YPEL2: variants seen among roughly 807,000 people sequenced by gnomAD.
The protein encoded by YPEL2 is yippee like 2, also known as protein yippee-like 2.
YPEL2 carries 2 observed loss-of-function variants against 19.1 expected under a neutral mutation model. The ratio of observed to expected loss-of-function variants is 0.10; its 90% CI spans 0.04 to 0.33. The LOEUF (loss-of-function observed/expected upper bound fraction) is 0.33. Among genes scored for constraint, YPEL2 ranks in the 10% least tolerant of loss-of-function variants. YPEL2 has a pLI of 1.00. For missense variants in YPEL2, 66 were observed against 140.7 expected (o/e 0.47, Z 2.68); for synonymous variants, 52 against 50.0 (o/e 1.04, Z -0.17).
chr17:59,387,257 T>TCAAA lies in YPEL2; in HGVS notation c.118-1070_118-1069insCAAA, dbSNP rs1555571964. Among the ~76,000 whole-genome samples the TCAAA allele has an allele frequency of 9.0e-5, 7 of 77,518 alleles. 1 individual carries two copies. Among genetic ancestry groups the TCAAA allele is most frequent in the African/African-American group, 2.0e-4 (4 of 20,456 alleles). The allele number at this position is 77,518 out of a possible 152,430, so 50.9% of individuals were successfully genotyped here. A position where few individuals can be genotyped will look rare whatever the true frequency, so the allele number is the denominator to read the frequency against. ...CTGGATGACAGAGCAAGACTCCATC[T>TCAAA]AAAAAAAAAAAAAAAAAAAAAAAGA... On this transcript the variant is annotated intron_variant, in intron 2 of 4. Transcript: ENST00000312655.
chr17:59,360,378 C>T (rs927927886), intron 2 of YPEL2, among the ~76,000 whole-genome samples: 6 of 152,134 alleles, frequency 3.9e-5, no homozygotes, highest in Non-Finnish European at 8.8e-5. Context: ...TGCGCCCGGC[C>T]GTGTTAGTGA....
chr17:59,354,410 G>A (rs919886803), intron 2 of YPEL2: 2 of 152,042 alleles, frequency 1.3e-5, no homozygotes, highest in Non-Finnish European at 2.9e-5. Context: ...AGACCGAGAC[G>A]AAGTTTTTTG....
chr17:59,335,910 A>G (rs1829817843), intron 1 of YPEL2, among the ~76,000 whole-genome samples: 1 of 152,070 alleles, frequency 6.6e-6, no homozygotes, highest in Admixed American at 6.5e-5. Flanking sequence ...TTCCTGACGG[A>G]CCAGTTATCT....
intron 2 of YPEL2, among the ~76,000 whole-genome samples, chr17:59,379,929 C>T (rs1056862111): frequency 1.3e-5 from 2 of 150,832 alleles, no homozygotes; most frequent in East Asian, 2.0e-4. Flanking sequence ...GGTGTGACCT[C>T]GGCTTACTGT....
At chr17:59,357,064 C>A (rs367897111) in intron 2 of YPEL2, among the ~76,000 whole-genome samples, 11 of 152,306 alleles carry the variant, frequency 7.2e-5, no homozygotes, top group South Asian at 4.1e-4. Context: ...AGTGGGCATG[C>A]CTCACTGGGG....
chr17:59,366,953 A>G (rs1001898636), intron 2 of YPEL2, among the ~76,000 whole-genome samples: 2 of 152,194 alleles, frequency 1.3e-5, no homozygotes, highest in Admixed American at 6.5e-5. Context: ...CAAGAGGCCA[A>G]CCTGCTCTGA....
At chr17:59,360,853 A>T (rs561063414) in intron 2 of YPEL2, among the ~76,000 whole-genome samples, 2 of 152,160 alleles carry the variant, frequency 1.3e-5, no homozygotes, top group South Asian at 4.2e-4. Context: ...TTTTTTTGAT[A>T]TAAAGTCTCA....
chr17:59,354,002 CT>C, intron 2 of YPEL2: 1 of 251,914 alleles, frequency 4.0e-6, no homozygotes, highest in South Asian at 4.7e-5. Flanking sequence ...CCAAAAGTGG[CT>C]TGTTGAAGAG....
At position 59,400,297 on chromosome 17, in the gene YPEL2, T is replaced by C. The variant is rs1187707017; in HGVS notation, c.*3107T>C. 6.6e-6 allele frequency: 1 copy of C among 152,628 alleles called. No individual in the cohort carries two copies. The highest frequency in any genetic ancestry group is 2.4e-5 in the African/African-American group (1 of 41,456). 9.5% of individuals were successfully genotyped at this position (152,628 alleles called of 1,614,324 possible). A position where few individuals can be genotyped will look rare whatever the true frequency, so the allele number is the denominator to read the frequency against. On this transcript the variant is annotated 3_prime_UTR_variant, in exon 5 of 5. Coordinates refer to ENST00000312655, the MANE Select transcript of YPEL2 (RefSeq NM_001005404.4). ...ATAAAGAGATTTTCAAGTGGATATA[T>C]ATAAAAGAAACAGTTGCTTGTAAAA...
intron 4 of YPEL2, among the ~76,000 whole-genome samples, chr17:59,394,527 G>T (rs1048088346): frequency 6.6e-6 from 1 of 150,676 alleles, no homozygotes; most frequent in African/African-American, 2.4e-5. Flanking sequence ...CATCCCAGAC[G>T]ATGGGCGGCC....
intron 2 of YPEL2, among the ~76,000 whole-genome samples, chr17:59,382,101 A>G (rs2047952405): frequency 6.6e-6 from 1 of 152,222 alleles, no homozygotes; most frequent in Non-Finnish European, 1.5e-5. Flanking sequence ...GGGCCCCAGA[A>G]TGGAACCCAT....
At chr17:59,338,301 T>C (rs919504780) in intron 1 of YPEL2, among the ~76,000 whole-genome samples, 7 of 152,168 alleles carry the variant, frequency 4.6e-5, no homozygotes, top group African/African-American at 1.7e-4. Context: ...ATCTTCTGGG[T>C]GTGAATGGTG....
At chr17:59,370,520 A>G (rs1035650268) in intron 2 of YPEL2, among the ~76,000 whole-genome samples, 1 of 152,188 alleles carries the variant, frequency 6.6e-6, no homozygotes, top group African/African-American at 2.4e-5. Context: ...AGGGTCTACC[A>G]TTAAGTGCTG....
At chr17:59,362,435 A>G (rs2047845905) in intron 2 of YPEL2, among the ~76,000 whole-genome samples, 1 of 152,108 alleles carries the variant, frequency 6.6e-6, no homozygotes, top group Non-Finnish European at 1.5e-5. Context: ...ATTTAGTATC[A>G]AGGGAGCTGC....
At chr17:59,340,179 C>T (rs1217761589) in intron 1 of YPEL2, among the ~76,000 whole-genome samples, 2 of 151,568 alleles carry the variant, frequency 1.3e-5, no homozygotes, top group Non-Finnish European at 2.9e-5. Context: ...GTGATCTCAG[C>T]TCACTGCAAT....
At chr17:59,386,907 A>G (rs1202501110) in intron 2 of YPEL2, among the ~76,000 whole-genome samples, 1 of 152,136 alleles carries the variant, frequency 6.6e-6, no homozygotes, top group African/African-American at 2.4e-5. Flanking sequence ...TGTCTGGTGT[A>G]TTTGAATGTT....
Position 59,353,327 on chromosome 17 carries a change from T to A in YPEL2, c.-83T>A. On this transcript the variant is annotated 5_prime_UTR_variant, in exon 2 of 5. Coordinates refer to ENST00000312655, the MANE Select transcript of YPEL2 (RefSeq NM_001005404.4). This position sits in a 1 kb window ranked among gnomAD's most constrained non-coding sequence, Gnocchi z 4.8. ...TGCCAAACCACGGCCTTTACCTGTG[T>A]CTTCCGGTGTTTCCCGTGCGACCCA... 3.0e-6 allele frequency: 3 copies of A among 1,009,088 alleles called. 1 individual carries two copies. The South Asian group carries it at 4.6e-5, about 16-fold the overall frequency. 62.5% of individuals were successfully genotyped at this position (1,009,088 alleles called of 1,614,324 possible).
chr17:59,370,953 G>C (rs2047894304), intron 2 of YPEL2, among the ~76,000 whole-genome samples: 1 of 151,912 alleles, frequency 6.6e-6, no homozygotes, highest in South Asian at 2.1e-4. Context: ...TTTTGTTTTT[G>C]TTTTATTTTC....
chr17:59,364,828 C>T (rs1366861809), intron 2 of YPEL2, among the ~76,000 whole-genome samples: 1 of 152,066 alleles, frequency 6.6e-6, no homozygotes, highest in Non-Finnish European at 1.5e-5. Flanking sequence ...GATGGGGTTT[C>T]GCCATGTTGG....
Sources: allele counts gnomAD v4.1 joint callset (sites outside exome capture counted in the v4.1 genomes callset), GRCh38; gene constraint gnomAD v4.1.1; non-coding constraint Gnocchi (gnomAD v3.1); transcripts MANE v1.5; gene names NCBI Gene and HGNC (gene_info 2026-07-23, HGNC 2026-07-21).